The following SATB2 variants were observed in gnomAD, a reference collection of about 807,000 sequenced individuals.
SATB2 encodes DNA-binding protein SATB2.
In SATB2, 1 loss-of-function variant was observed where a neutral mutation model predicts 73.4. The observed-to-expected ratio is 0.01, with a 90% CI of 0.00 to 0.06. The LOEUF is 0.06. Among genes scored for constraint, SATB2 ranks in the 10% least tolerant of loss-of-function variants. The pLI is 1.00. For missense variants in SATB2, 459 were observed against 945.8 expected (o/e 0.49, Z 6.75); for synonymous variants, 397 against 367.0 (o/e 1.08, Z -0.93).
chr2:199,431,199 C>T (rs1043181387), intron 3 of SATB2, among the ~76,000 whole-genome samples: 5 of 152,204 alleles, frequency 3.3e-5, no homozygotes, highest in Admixed American at 6.5e-5. Flanking sequence ...CTTTTTCACA[C>T]GCTGCTGTTT....
intron 2 of SATB2, among the ~76,000 whole-genome samples, chr2:199,441,780 C>T (rs979870802): frequency 2.6e-5 from 4 of 152,216 alleles, no homozygotes; most frequent in African/African-American, 9.6e-5. Context: ...GAAGTCAGGT[C>T]CGAAGGCTGA....
At chr2:199,310,066 C>T (rs1012324802) in intron 9 of SATB2, among the ~76,000 whole-genome samples, 1 of 152,224 alleles carries the variant, frequency 6.6e-6, no homozygotes, top group Non-Finnish European at 1.5e-5. Flanking sequence ...AAGACAGCAA[C>T]ACCAGCTGTT....
chr2:199,451,091 AACACACACACACAC>A (rs56071011), intron 2 of SATB2, among the ~76,000 whole-genome samples: 28 of 139,296 alleles, frequency 2.0e-4, no homozygotes, highest in East Asian at 1.9e-3. Context: ...ATGTAGTTCC[AACACACACACACAC>A]ACACACACAC....
intron 7 of SATB2, among the ~76,000 whole-genome samples, chr2:199,331,491 A>G (rs772198936): frequency 6.6e-5 from 10 of 152,148 alleles, no homozygotes; most frequent in Non-Finnish European, 1.3e-4. Context: ...TTACCCCCAG[A>G]GAATCAGAAC....
chr2:199,391,209 G>T (rs1468279008), intron 3 of SATB2, among the ~76,000 whole-genome samples: 1 of 152,004 alleles, frequency 6.6e-6, no homozygotes, highest in Non-Finnish European at 1.5e-5. Flanking sequence ...ACTTAGGGAG[G>T]CCGAGGCGGG....
intron 10 of SATB2, among the ~76,000 whole-genome samples, chr2:199,290,696 AAATT>A (rs774249764): frequency 1.2e-4 from 18 of 152,360 alleles, no homozygotes; most frequent in African/African-American, 4.1e-4. Context: ...ATCTGATTGA[AAATT>A]ATTAACACTC....
At position 199,326,784 on chromosome 2, in the gene SATB2, C is replaced by G. The variant is rs574923983; in HGVS notation, c.1386+1914G>C. ...GTCCCCAGATTTTTTTTTAAGTAAA[C>G]AAAAATGCTTGGTTATACTCATCCA... On this transcript the variant is annotated intron_variant, in intron 8 of 10. Coordinates refer to ENST00000417098, the MANE Select transcript of SATB2 (RefSeq NM_001172509.2). 9.9e-5 allele frequency among the ~76,000 whole-genome samples: 15 copies of G among 151,982 alleles called. No individual in the cohort carries two copies. The South Asian group carries it at 3.1e-3, about 32-fold the overall frequency.
intron 9 of SATB2, 46 bp downstream of exon 9, chr2:199,323,757 G>A: frequency 1.3e-6 from 2 of 1,569,958 alleles, no homozygotes; most frequent in Non-Finnish European, 1.8e-6. Context: ...GGAAGGAGAA[G>A]GATCTAATTC....
chr2:199,270,510 C>CA lies in SATB2; in HGVS notation c.*1700dup, dbSNP rs67882050. ...GACAAGGTTTTGTGAAAGCACAACT[C>CA]AAAAAAAAAAAAAAAATCCAACCAT... On this transcript the variant is annotated 3_prime_UTR_variant, in exon 11 of 11. Transcript: ENST00000417098. 0.77 allele frequency: 106,742 copies of CA among 137,928 alleles called. 42,428 individuals carry two copies. Among genetic ancestry groups the CA allele is most frequent in the Non-Finnish European group, 0.88 (57,375 of 65,124 alleles). 8.5% of individuals were successfully genotyped at this position (137,928 alleles called of 1,614,324 possible).
At chr2:199,445,638 T>A (rs1425897469) in intron 2 of SATB2, among the ~76,000 whole-genome samples, 1 of 152,148 alleles carries the variant, frequency 6.6e-6, no homozygotes, top group Non-Finnish European at 1.5e-5. Flanking sequence ...TAGAGATTCA[T>A]TTGAGAAGGA....
chr2:199,374,869 G>C (rs562676315), intron 5 of SATB2, among the ~76,000 whole-genome samples: 8 of 151,778 alleles, frequency 5.3e-5, no homozygotes, highest in Admixed American at 3.3e-4. Context: ...GAGGCTGAGC[G>C]GGGAGAATTG....
At chr2:199,418,347 A>G (rs1691058551) in intron 3 of SATB2, among the ~76,000 whole-genome samples, 1 of 152,136 alleles carries the variant, frequency 6.6e-6, no homozygotes, top group East Asian at 1.9e-4. Context: ...AAGACACAGA[A>G]CTAGAGGGCC....
At chr2:199,316,102 G>A (rs949138969) in intron 9 of SATB2, among the ~76,000 whole-genome samples, 6 of 152,046 alleles carry the variant, frequency 3.9e-5, no homozygotes, top group African/African-American at 7.3e-5. Context: ...CAGACAGTTC[G>A]CTTTCTAAAT....
chr2:199,287,472 A>G (rs1692723012), intron 10 of SATB2, among the ~76,000 whole-genome samples: 1 of 152,134 alleles, frequency 6.6e-6, no homozygotes, highest in Non-Finnish European at 1.5e-5. Flanking sequence ...CAGAATTCAA[A>G]CCATTTCCAA....
chr2:199,333,536 C>T (rs558438090), intron 7 of SATB2, among the ~76,000 whole-genome samples: 378 of 152,172 alleles, frequency 2.5e-3, no homozygotes, highest in African/African-American at 8.6e-3. Context: ...AAAGCAAGCA[C>T]ATGGGTACTC....
intron 3 of SATB2, among the ~76,000 whole-genome samples, chr2:199,406,860 G>C (rs954497528): frequency 6.6e-6 from 1 of 152,106 alleles, no homozygotes; most frequent in Non-Finnish European, 1.5e-5. Context: ...ATATTCGTAT[G>C]ATCACAATTA....
At chr2:199,314,662 A>G (rs1177785769) in intron 9 of SATB2, among the ~76,000 whole-genome samples, 1 of 152,152 alleles carries the variant, frequency 6.6e-6, no homozygotes, top group Non-Finnish European at 1.5e-5. Context: ...GTTCAGGAAA[A>G]GTGTCATCAT....
intron 8 of SATB2, chr2:199,325,857 G>A (rs1007905728): frequency 1.7e-4 from 26 of 152,036 alleles, no homozygotes; most frequent in African/African-American, 5.6e-4. Context: ...CACAGTAAGC[G>A]TTTTAACAAA....
intron 5 of SATB2, among the ~76,000 whole-genome samples, chr2:199,374,011 A>G (rs942315123): frequency 6.6e-6 from 1 of 152,120 alleles, no homozygotes; most frequent in African/African-American, 2.4e-5. Flanking sequence ...TGCTGACCCA[A>G]TTGGCTGCTT....
Sources: allele counts gnomAD v4.1 joint callset (sites outside exome capture counted in the v4.1 genomes callset), GRCh38; gene constraint gnomAD v4.1.1; transcripts MANE v1.5; gene names NCBI Gene and HGNC (gene_info 2026-07-23, HGNC 2026-07-21).